The following PPARG variants were observed in gnomAD, a reference collection of about 807,000 sequenced individuals.
PPARG encodes peroxisome proliferator activated receptor gamma.
A neutral mutation model predicts 39.2 loss-of-function variants in PPARG; 17 were observed. The ratio of observed to expected loss-of-function variants is 0.43; its 90% CI spans 0.30 to 0.65. The LOEUF (loss-of-function observed/expected upper bound fraction) is 0.65. Among genes scored for constraint, PPARG ranks in the 30% least tolerant of loss-of-function variants. PPARG has a pLI of 0.13. For synonymous variants in PPARG, 223 were observed against 215.7 expected, an observed-to-expected ratio of 1.03 and a Z score of -0.30; for missense variants, 406 against 585.9, an observed-to-expected ratio of 0.69 and a Z score of 3.17.
chr3:12,426,719 T>G (rs1264565026), intron 7 of PPARG, among the ~76,000 whole-genome samples: 1 of 152,166 alleles, frequency 6.6e-6, no homozygotes, highest in African/African-American at 2.4e-5. Flanking sequence ...TAATAGCTAA[T>G]TTACTGTACA....
intron 2 of PPARG, among the ~76,000 whole-genome samples, chr3:12,376,933 T>G (rs1242516443): frequency 6.6e-6 from 1 of 152,180 alleles, no homozygotes; most frequent in Non-Finnish European, 1.5e-5. Flanking sequence ...GTCTCCCGTG[T>G]GAGCAGTCCT....
At position 12,434,121 on chromosome 3, in the gene PPARG, G is replaced by A; in HGVS notation, c.1404G>A (p.Gln468=). ...ETDMSLHPLL[Q]EIYKDLY ...ACATGAGTCTTCACCCGCTCCTGCA[G>A]GAGATCTACAAGGACTTGTACTAGC... Residue 468 remains glutamine (Q), a synonymous_variant, in exon 8 of 8, where the codon CAG becomes CAA. Coordinates refer to ENST00000651735, the MANE Select transcript of PPARG (RefSeq NM_138711.6). The surrounding 1 kb of genome is among the most constrained non-coding windows in gnomAD (Gnocchi z 4.2). The A allele has an allele frequency of 1.2e-6, 2 of 1,613,314 alleles. No homozygotes were observed. Among genetic ancestry groups the A allele is most frequent in the Middle Eastern group, 1.6e-4 (1 of 6,062 alleles).
chr3:12,383,989 T>C (rs557865863), intron 4 of PPARG, among the ~76,000 whole-genome samples: 6 of 151,886 alleles, frequency 4.0e-5, no homozygotes, highest in African/African-American at 1.5e-4. Flanking sequence ...AAAGCAAACA[T>C]AGAAGAAAAC....
chr3:12,355,567 C>T (rs1172523282), intron 2 of PPARG, among the ~76,000 whole-genome samples: 1 of 152,098 alleles, frequency 6.6e-6, no homozygotes, highest in African/African-American at 2.4e-5. Flanking sequence ...TCTGATTAAC[C>T]TCTTTTTTCA....
intron 2 of PPARG, among the ~76,000 whole-genome samples, chr3:12,316,328 G>T (rs1192809071): frequency 6.6e-6 from 1 of 152,116 alleles, no homozygotes; most frequent in Non-Finnish European, 1.5e-5. Flanking sequence ...TTAGCAAACT[G>T]CACTAGTTCA....
intron 2 of PPARG, among the ~76,000 whole-genome samples, chr3:12,324,561 A>G (rs1248651491): frequency 3.3e-5 from 5 of 152,130 alleles, no homozygotes; most frequent in Admixed American, 1.3e-4. Context: ...GTTTTCCCAT[A>G]TGTTAGACAG....
chr3:12,294,567 G>T (rs1387274679), intron 1 of PPARG, among the ~76,000 whole-genome samples: 2 of 152,088 alleles, frequency 1.3e-5, no homozygotes, highest in East Asian at 1.9e-4. Flanking sequence ...TATAAATAAT[G>T]CTTAATCCTT....
chr3:12,355,532 C>T (rs2048634333), intron 2 of PPARG, among the ~76,000 whole-genome samples: 2 of 152,078 alleles, frequency 1.3e-5, no homozygotes, highest in Admixed American at 1.3e-4. Context: ...ATGGCTCTAG[C>T]TTTATCATTT....
intron 2 of PPARG, among the ~76,000 whole-genome samples, chr3:12,333,871 C>T (rs1489547254): frequency 1.3e-5 from 2 of 152,184 alleles, no homozygotes; most frequent in Non-Finnish European, 2.9e-5. Flanking sequence ...TCTTAGGATC[C>T]ACATACAGGC....
intron 6 of PPARG, among the ~76,000 whole-genome samples, chr3:12,410,705 G>A (rs929862699): frequency 6.6e-6 from 1 of 152,148 alleles, no homozygotes; most frequent in African/African-American, 2.4e-5. Context: ...TATGAAACTA[G>A]TGAAGAATAA....
chr3:12,340,604 G>A (rs1335119348), intron 2 of PPARG, among the ~76,000 whole-genome samples: 2 of 152,052 alleles, frequency 1.3e-5, no homozygotes, highest in African/African-American at 4.8e-5. Flanking sequence ...ACTTCCTAGA[G>A]GTATCTGAAG....
chr3:12,425,766 C>T (rs1000452393), intron 7 of PPARG, among the ~76,000 whole-genome samples: 2 of 152,168 alleles, frequency 1.3e-5, no homozygotes, highest in African/African-American at 2.4e-5. Context: ...GGGAGCAAAC[C>T]GCATGGCTGG....
intron 2 of PPARG, among the ~76,000 whole-genome samples, chr3:12,324,490 A>G (rs1015980441): frequency 6.6e-6 from 1 of 152,112 alleles, no homozygotes; most frequent in African/African-American, 2.4e-5. Context: ...AATCTCAAAA[A>G]ACAAAGACTA....
chr3:12,401,561 T>C (rs2050471864), intron 5 of PPARG, among the ~76,000 whole-genome samples: 1 of 145,172 alleles, frequency 6.9e-6, no homozygotes, highest in Admixed American at 6.9e-5. Flanking sequence ...AACGAAATAA[T>C]AAAACTGGCT....
chr3:12,359,503 A>T (rs2125113139), intron 2 of PPARG, among the ~76,000 whole-genome samples: 1 of 152,266 alleles, frequency 6.6e-6, no homozygotes, highest in African/African-American at 2.4e-5. Context: ...ATCCAAACAT[A>T]GTAACTTCCC....
intron 2 of PPARG, among the ~76,000 whole-genome samples, chr3:12,332,361 T>C (rs1320552495): frequency 6.6e-6 from 1 of 152,194 alleles, no homozygotes; most frequent in Non-Finnish European, 1.5e-5. Context: ...GAGTAGCAAA[T>C]AACATTATAC....
chr3:12,416,562 T>G (rs964866622), intron 6 of PPARG, 142 bp from the exon 7 acceptor site: 11 of 793,900 alleles, frequency 1.4e-5, no homozygotes, highest in Non-Finnish European at 1.8e-5. Context: ...TTGAGAGTAT[T>G]TTCTCATTAT....
chr3:12,305,232 G>A (rs1002124283), intron 1 of PPARG, among the ~76,000 whole-genome samples: 2 of 152,058 alleles, frequency 1.3e-5, no homozygotes, highest in Non-Finnish European at 2.9e-5. Flanking sequence ...TTGTCTCTGA[G>A]TGTAATATGG....
intron 5 of PPARG, among the ~76,000 whole-genome samples, chr3:12,403,400 A>C (rs1413994848): frequency 6.6e-6 from 1 of 151,926 alleles, no homozygotes; most frequent in African/African-American, 2.4e-5. Context: ...CCCAGGCTAA[A>C]GTGTAGTGGC....
Sources: allele counts gnomAD v4.1 joint callset (sites outside exome capture counted in the v4.1 genomes callset), GRCh38; gene constraint gnomAD v4.1.1; non-coding constraint Gnocchi (gnomAD v3.1); transcripts MANE v1.5; gene names NCBI Gene and HGNC (gene_info 2026-07-23, HGNC 2026-07-21).